PDE1C: variants seen among roughly 807,000 people sequenced by gnomAD.
PDE1C encodes dual specificity calcium/calmodulin-dependent 3',5'-cyclic nucleotide phosphodiesterase 1C.
A neutral mutation model predicts 93.1 loss-of-function variants in PDE1C; 62 were observed. The observed-to-expected ratio is 0.67, with a 90% confidence interval of 0.54 to 0.82. The LOEUF (loss-of-function observed/expected upper bound fraction) is 0.82, where lower values mean the gene tolerates loss of function less well. Ranked by LOEUF, PDE1C falls within the 40% of genes least tolerant of loss-of-function variation. PDE1C has a pLI of 0.00. For synonymous variants in PDE1C, 325 were observed against 310.1 expected (o/e 1.05, Z -0.50); for missense variants, 742 against 884.6 (o/e 0.84, Z 2.04).
At chr7:32,070,630 G>C, upstream of PDE1C, 1 of 1,403,048 alleles carries the variant, frequency 7.1e-7, no homozygotes, top group South Asian at 1.5e-5. Context: ...ATGGTCCCGG[G>C]CTAATGCCCA....
At chr7:31,977,455 G>A (rs1408285926) in intron 2 of PDE1C, among the ~76,000 whole-genome samples, 2 of 152,062 alleles carry the variant, frequency 1.3e-5, no homozygotes, top group Non-Finnish European at 2.9e-5. Flanking sequence ...AATACATTAG[G>A]CTTCTTTATA....
chr7:31,866,068 T>C (rs1353884077), intron 6 of PDE1C, among the ~76,000 whole-genome samples: 1 of 152,134 alleles, frequency 6.6e-6, no homozygotes, highest in African/African-American at 2.4e-5. Context: ...GCAAAATGCA[T>C]ATACAAAATA....
intron 2 of PDE1C, among the ~76,000 whole-genome samples, chr7:32,186,079 G>GT (rs1456318359): frequency 5.5e-5 from 5 of 90,800 alleles, no homozygotes; most frequent in Admixed American, 1.4e-4. Flanking sequence ...TCCCTAATTT[G>GT]TTTTTTTGTT....
intron 1 of PDE1C, among the ~76,000 whole-genome samples, chr7:32,261,308 C>T (rs897085644): frequency 6.6e-5 from 10 of 152,052 alleles, no homozygotes; most frequent in Admixed American, 5.2e-4. Context: ...AAACCAGTTC[C>T]GCCATCACCT....
chr7:31,936,124 G>GT (rs34970382), intron 2 of PDE1C, among the ~76,000 whole-genome samples: 17,034 of 152,068 alleles, frequency 0.11, 1,196 homozygotes, highest in Admixed American at 0.22. Context: ...TGACAAATAA[G>GT]TTTTTTTCCA....
intron 3 of PDE1C, among the ~76,000 whole-genome samples, chr7:32,124,751 A>G (rs1180233630): frequency 6.6e-6 from 1 of 152,206 alleles, no homozygotes. Flanking sequence ...CTTAAGTGTA[A>G]AGCCCTAAAC....
At chr7:31,971,602 C>T (rs1315518470) in intron 2 of PDE1C, among the ~76,000 whole-genome samples, 3 of 152,178 alleles carry the variant, frequency 2.0e-5, no homozygotes, top group African/African-American at 7.2e-5. Context: ...GGTCATCCTG[C>T]CACCTGCCCT....
At chr7:32,170,530 C>T (rs924261264) in intron 2 of PDE1C, among the ~76,000 whole-genome samples, 2 of 152,170 alleles carry the variant, frequency 1.3e-5, no homozygotes, top group African/African-American at 4.8e-5. Flanking sequence ...CCTGATCTGC[C>T]AGGTGATCAA....
At chr7:32,284,439 G>C (rs781762140) in intron 1 of PDE1C, among the ~76,000 whole-genome samples, 19 of 152,210 alleles carry the variant, frequency 1.2e-4, no homozygotes, top group Non-Finnish European at 2.1e-4. Flanking sequence ...CTAGTACCTA[G>C]TATTCCAAAT....
chr7:32,036,353 T>C (rs1791084009), intron 2 of PDE1C, among the ~76,000 whole-genome samples: 1 of 152,146 alleles, frequency 6.6e-6, no homozygotes, highest in African/African-American at 2.4e-5. Context: ...GTTGTATAGC[T>C]TAAATGCTCA....
intron 2 of PDE1C, among the ~76,000 whole-genome samples, chr7:32,204,909 C>T (rs1471167928): frequency 6.6e-6 from 1 of 152,206 alleles, no homozygotes; most frequent in African/African-American, 2.4e-5. Flanking sequence ...AATTAGACTG[C>T]AAACCCTTTG....
chr7:31,817,409 C>T (rs372993363), intron 14 of PDE1C, among the ~76,000 whole-genome samples: 2 of 152,176 alleles, frequency 1.3e-5, no homozygotes, highest in African/African-American at 4.8e-5. Flanking sequence ...TGATAGATGA[C>T]GTGGTCAAAT....
At chr7:31,862,960 G>A (rs1047203092) in intron 7 of PDE1C, among the ~76,000 whole-genome samples, 3 of 152,014 alleles carry the variant, frequency 2.0e-5, no homozygotes, top group Admixed American at 2.0e-4. Flanking sequence ...CTTTTCTAAG[G>A]TTGTGAAATA....
At chr7:32,227,775 A>G (rs1807400181) in intron 1 of PDE1C, among the ~76,000 whole-genome samples, 2 of 152,140 alleles carry the variant, frequency 1.3e-5, no homozygotes, top group African/African-American at 2.4e-5. Context: ...CATAAGAAAC[A>G]TTGCTACTCC....
chr7:32,160,827 C>A (rs11973935), intron 3 of PDE1C, among the ~76,000 whole-genome samples: 38,867 of 149,394 alleles, frequency 0.26, 5,329 homozygotes, highest in East Asian at 0.51. Flanking sequence ...AAACTAAAAA[C>A]AGGAAAGAAA....
intron 2 of PDE1C, among the ~76,000 whole-genome samples, chr7:32,001,299 AAGTG>A (rs1412766128): frequency 1.3e-5 from 2 of 152,228 alleles, no homozygotes; most frequent in Non-Finnish European, 2.9e-5. Context: ...GCTGTTTTTT[AAGTG>A]AGTTTTAAAA....
At chr7:32,001,020 G>C (rs1785392240) in intron 2 of PDE1C, among the ~76,000 whole-genome samples, 1 of 151,236 alleles carries the variant, frequency 6.6e-6, no homozygotes. Context: ...GTGTGTGTAT[G>C]TATGGGGAGG....
intron 2 of PDE1C, among the ~76,000 whole-genome samples, chr7:32,030,595 T>G (rs2128634771): frequency 6.6e-6 from 1 of 152,190 alleles, no homozygotes; most frequent in East Asian, 1.9e-4. Flanking sequence ...TATTGAATAT[T>G]TTAAGCTGAA....
At chr7:32,311,706 C>A (rs28784009) in intron 1 of PDE1C, among the ~76,000 whole-genome samples, 5 of 151,770 alleles carry the variant, frequency 3.3e-5, no homozygotes, top group East Asian at 3.9e-4. Context: ...ATTCAACAAC[C>A]CTTCATGCTA....
Sources: allele counts gnomAD v4.1 joint callset (sites outside exome capture counted in the v4.1 genomes callset), GRCh38; gene constraint gnomAD v4.1.1; transcripts MANE v1.5; gene names NCBI Gene and HGNC (gene_info 2026-07-23, HGNC 2026-07-21).